The following SMARCD3 variants were observed in gnomAD, a reference collection of about 807,000 sequenced individuals.
SMARCD3 encodes the protein SWI/SNF-related matrix-associated actin-dependent regulator of chromatin subfamily D member 3.
A neutral mutation model predicts 58.0 loss-of-function variants in SMARCD3; 14 were observed. The observed-to-expected ratio is 0.24, with a 90% confidence interval of 0.16 to 0.38. SMARCD3 has a LOEUF of 0.38. Among genes scored for constraint, SMARCD3 ranks in the 10% least tolerant of loss-of-function variants. The pLI, the probability that SMARCD3 is intolerant of heterozygous loss-of-function variation, is 1.00. For missense variants in SMARCD3, 408 were observed against 636.9 expected (o/e 0.64, Z 3.87); for synonymous variants, 253 against 253.8 (o/e 1.00, Z 0.03).
intron 2 of SMARCD3, among the ~76,000 whole-genome samples, chr7:151,263,239 A>G (rs1584892324): frequency 6.7e-6 from 1 of 150,298 alleles, no homozygotes; most frequent in South Asian, 2.1e-4. Flanking sequence ...TGTGCCAGAC[A>G]CTCCTGCTAA....
intron 2 of SMARCD3, among the ~76,000 whole-genome samples, chr7:151,271,767 A>AC (rs1428353393): frequency 1.3e-5 from 2 of 152,096 alleles, no homozygotes; most frequent in Non-Finnish European, 2.9e-5. Flanking sequence ...CCTAGGAAAT[A>AC]TAGTGAGACC....
rs557747706 is a variant in SMARCD3, at chr7:151,242,992, C to T, written c.334-149G>A. 287 of 860,760 alleles carry T rather than the reference C, an allele frequency of 3.3e-4. No individual in the cohort carries two copies. The highest frequency in any genetic ancestry group is 4.2e-4 in the Non-Finnish European group (237 of 564,982). The allele number at this position is 860,760 out of a possible 1,614,324, so 53.3% of individuals were successfully genotyped here. On this transcript the variant is annotated intron_variant, in intron 3 of 12. Transcript: ENST00000262188. The surrounding 1 kb of genome is among the most constrained non-coding windows in gnomAD (Gnocchi z 4.7). ...TGTAGCTTTGACAGTGGGAACAGGACCTCTCCCCAGGATGCCATTATCCAG... is the reference window on the plus strand; with the variant it reads ...TGTAGCTTTGACAGTGGGAACAGGATCTCTCCCCAGGATGCCATTATCCAG...
rs1216906426 is a variant in SMARCD3 at position 151,264,668 on chromosome 7, G to C, written c.39+10446C>G. Among the ~76,000 whole-genome samples the C allele has an allele frequency of 1.3e-5, 2 of 152,218 alleles. 1 individual carries two copies. Among genetic ancestry groups the C allele is most frequent in the South Asian group, 4.1e-4 (2 of 4,832 alleles). On this transcript the variant is annotated intron_variant, in intron 2 of 13. Transcript: ENST00000356800. The stretch of plus-strand genomic sequence containing the variant: ...TGATGCAGAGGTGAGGAGGTAAATG[G>C]TGGGATCCATGGAGTTCTGGGGAGC...
intron 1 of SMARCD3, chr7:151,275,276 G>A: frequency 1.2e-6 from 1 of 827,736 alleles, no homozygotes; most frequent in Non-Finnish European, 2.0e-6. Context: ...CAGACCCTGA[G>A]CCCCAGCGTA....
intron 2 of SMARCD3, among the ~76,000 whole-genome samples, chr7:151,266,708 GT>G (rs1200361007): frequency 6.6e-6 from 1 of 151,916 alleles, no homozygotes; most frequent in African/African-American, 2.4e-5. Context: ...AATATGGGAG[GT>G]TTTTTTTGTT....
rs575391258 is a variant in SMARCD3, at chr7:151,246,600, C to T, written c.79-929G>A. Among the ~76,000 whole-genome samples, 2 of 152,308 alleles carry T rather than the reference C, an allele frequency of 1.3e-5. No homozygotes were observed. Among genetic ancestry groups the T allele is most frequent in the East Asian group, 3.9e-4 (2 of 5,176 alleles). Reference sequence around the variant, plus strand: ...TGCCCAGGTCAGCAGCCACCTCCTCCTCTTCCCATCCCCACCCCAGTGAGG... The same window carrying T: ...TGCCCAGGTCAGCAGCCACCTCCTCTTCTTCCCATCCCCACCCCAGTGAGG... On this transcript the variant is annotated intron_variant, in intron 1 of 12. Coordinates refer to ENST00000262188, the MANE Select transcript of SMARCD3 (RefSeq NM_001003801.2). This position sits in a 1 kb window ranked among gnomAD's most constrained non-coding sequence, Gnocchi z 4.4.
chr7:151,267,114 C>T (rs1205824046), intron 2 of SMARCD3, among the ~76,000 whole-genome samples: 1 of 152,190 alleles, frequency 6.6e-6, no homozygotes, highest in African/African-American at 2.4e-5. Flanking sequence ...ACCCGCACAC[C>T]ACTGCATCCA....
Position 151,238,877 on chromosome 7 carries a change from T to C in SMARCD3, c.*226A>G. ...AGGAGAAGAATCCAAGGGAAGGGAA[T>C]GGGGAGTCGTCCCGAGGGACCCACT... On this transcript the variant is annotated 3_prime_UTR_variant, in exon 13 of 13. Coordinates refer to ENST00000262188, the MANE Select transcript of SMARCD3 (RefSeq NM_001003801.2). 7.4e-7 allele frequency: 1 copy of C among 1,344,024 alleles called. No individual in the cohort carries two copies. Among genetic ancestry groups the C allele is most frequent in the Non-Finnish European group, 1.0e-6 (1 of 979,218 alleles). 83.3% of individuals were successfully genotyped at this position (1,344,024 alleles called of 1,614,324 possible).
At chr7:151,276,396 T>G (rs1584903673) in intron 1 of SMARCD3, among the ~76,000 whole-genome samples, 3 of 79,688 alleles carry the variant, frequency 3.8e-5, no homozygotes, top group South Asian at 4.1e-4. Flanking sequence ...AGGGGGGAGG[T>G]GACAGGCAAT....
chr7:151,259,504 C>T (rs1803833647), intron 2 of SMARCD3, among the ~76,000 whole-genome samples: 1 of 150,290 alleles, frequency 6.7e-6, no homozygotes, highest in Non-Finnish European at 1.5e-5. Context: ...GCAGAACCTC[C>T]AACATGTGAT....
rs1802841571 is a variant in SMARCD3 at position 151,239,515 on chromosome 7, G to GTGAGCCC, written c.1297-25_1297-19dup. The GTGAGCCC allele has an allele frequency of 1.2e-6, 2 of 1,611,492 alleles. No homozygotes were observed. Among genetic ancestry groups the GTGAGCCC allele is most frequent in the African/African-American group, 1.3e-5 (1 of 74,856 alleles). On this transcript the variant is annotated intron_variant, in intron 11 of 12. Transcript: ENST00000262188. The surrounding 1 kb of genome is among the most constrained non-coding windows in gnomAD (Gnocchi z 7.0). ...GTCATCACCTGGGAGGGAGCGTGGG[G>GTGAGCCC]TGAGCCCTGAGCCCTGAATCCCCTC...
intron 1 of SMARCD3, among the ~76,000 whole-genome samples, chr7:151,276,006 A>T (rs1229505825): frequency 6.6e-6 from 1 of 151,418 alleles, no homozygotes; most frequent in Non-Finnish European, 1.5e-5. Flanking sequence ...CAGGGTTGGG[A>T]GGAAAGGGGA....
chr7:151,243,986 C>T lies in SMARCD3; in HGVS notation c.291-285G>A, dbSNP rs1038752674. 5.7e-4 allele frequency among the ~76,000 whole-genome samples: 87 copies of T among 152,208 alleles called. No individual in the cohort carries two copies. Among genetic ancestry groups the T allele is most frequent in the Non-Finnish European group, 7.8e-4 (53 of 68,000 alleles). ...GACAGGAGGGACTGGCTGGTGGGGG[C>T]GGTGCTGCCAAAAGATGCGAGCTGC... On this transcript the variant is annotated intron_variant, in intron 2 of 12. Transcript: ENST00000262188. This position sits in a 1 kb window ranked among gnomAD's most constrained non-coding sequence, Gnocchi z 4.4.
In SMARCD3 at chr7:151,245,578, G is replaced by T. The variant is rs1803218773; in HGVS notation, c.172C>A (p.Pro58Thr). 1 of 1,167,100 alleles carries T rather than the reference G, an allele frequency of 8.6e-7. No individual in the cohort carries two copies. Among genetic ancestry groups the T allele is most frequent in the Non-Finnish European group, 1.1e-6 (1 of 929,876 alleles). The allele number at this position is 1,167,100 out of a possible 1,614,324, so 72.3% of individuals were successfully genotyped here. The change falls in exon 2 of 13, where the codon CCC (proline) becomes ACC (threonine). Residue 58 changes from proline to threonine, a missense_variant. By Grantham distance (38) the Pro-to-Thr change is conservative. Around this residue, in one of 4 missense-constraint regions of SMARCD3, gnomAD observed 84 missense variants for 81.2 expected, o/e 1.03. Coordinates refer to ENST00000262188, the MANE Select transcript of SMARCD3 (RefSeq NM_001003801.2). The surrounding 1 kb of genome is among the most constrained non-coding windows in gnomAD (Gnocchi z 6.2). ...TCCATGCCCGCGGGGGCCAGGCCGGGTCGCACGGCGGGGCTGCCCATGTAC... is the reference window on the plus strand; with the variant it reads ...TCCATGCCCGCGGGGGCCAGGCCGGTTCGCACGGCGGGGCTGCCCATGTAC... ...SPYMGSPAVR[P>T]GLAPAGMEPA... is the part of the protein sequence containing the mutation.
At chr7:151,255,776 C>T (rs1251811261) in intron 2 of SMARCD3, among the ~76,000 whole-genome samples, 1 of 152,202 alleles carries the variant, frequency 6.6e-6, no homozygotes, top group Non-Finnish European at 1.5e-5. Context: ...CATTTCACCA[C>T]TCTGCACCCC....
intron 2 of SMARCD3, among the ~76,000 whole-genome samples, chr7:151,260,111 A>T (rs561704669): frequency 5.9e-5 from 9 of 152,206 alleles, no homozygotes; most frequent in Non-Finnish European, 7.3e-5. Flanking sequence ...GTGCTATCAC[A>T]GGGTGGGGCT....
chr7:151,244,544 C>T (rs1263278797), intron 2 of SMARCD3, among the ~76,000 whole-genome samples: 1 of 152,072 alleles, frequency 6.6e-6, no homozygotes, highest in Non-Finnish European at 1.5e-5. Context: ...GGCTAACAAG[C>T]GGATTTCATT....
At chr7:151,252,968 A>T (rs967075033), upstream of SMARCD3, among the ~76,000 whole-genome samples, 2 of 152,354 alleles carry the variant, frequency 1.3e-5, no homozygotes, top group South Asian at 4.1e-4. Context: ...AAAACAAAGA[A>T]AAACTAGGAC....
rs186940915 is a variant in SMARCD3 at position 151,261,161 on chromosome 7, C to T, written c.39+13953G>A. ...TGCCCTGGGCAGGGTCTCTGCAGTC[C>T]ACGGTGTGATGGCTCCTAGCCTGGA... On this transcript the variant is annotated intron_variant, in intron 2 of 13. Transcript: ENST00000356800. Among the ~76,000 whole-genome samples the T allele has an allele frequency of 4.3e-3, 657 of 152,322 alleles. 2 individuals are homozygous for T. Among genetic ancestry groups the T allele is most frequent in the African/African-American group, 0.015 (632 of 41,560 alleles).
Sources: allele counts gnomAD v4.1 joint callset (sites outside exome capture counted in the v4.1 genomes callset), GRCh38; gene constraint gnomAD v4.1.1; regional missense constraint gnomAD v4.1.1; non-coding constraint Gnocchi (gnomAD v3.1); transcripts MANE v1.5; gene names NCBI Gene and HGNC (gene_info 2026-07-23, HGNC 2026-07-21).